DNM1L: variants seen among roughly 807,000 people sequenced by gnomAD.
The protein encoded by DNM1L is dynamin-1-like protein.
DNM1L carries 33 observed loss-of-function variants against 92.8 expected under a neutral mutation model. The ratio of observed to expected loss-of-function variants is 0.36; its 90% CI spans 0.27 to 0.48. The LOEUF (loss-of-function observed/expected upper bound fraction) is 0.48. Ranked by LOEUF, DNM1L falls within the 20% of genes least tolerant of loss-of-function variation. The pLI is 0.99. For missense variants in DNM1L, 485 were observed against 888.8 expected, an observed-to-expected ratio of 0.55 and a Z score of 5.78; for synonymous variants, 284 against 305.0, an observed-to-expected ratio of 0.93 and a Z score of 0.72.
Position 32,718,095 on chromosome 12 carries a change from T to TAC in DNM1L, c.620-547_620-546dup, listed in dbSNP as rs1226914024. Among the ~76,000 whole-genome samples the TAC allele has an allele frequency of 2.2e-5, 3 of 137,610 alleles. No individual in the cohort carries two copies. In the Admixed American group the frequency reaches 2.4e-4, roughly 11 times the overall value. 90.3% of individuals were successfully genotyped at this position (137,610 alleles called of 152,430 possible). A position where few individuals can be genotyped will look rare whatever the true frequency, so the allele number is the denominator to read the frequency against. ...ATATACTATACATATTTTATATATA[T>TAC]ACTATATATATTTTATATATAATAT... On this transcript the variant is annotated intron_variant, in intron 6 of 19. Transcript: ENST00000549701.
At chr12:32,679,775 C>T in intron 1 of DNM1L, 1 of 1,063,434 alleles carries the variant, frequency 9.4e-7, no homozygotes, top group Non-Finnish European at 1.1e-6. Flanking sequence ...AACTGGAGTC[C>T]GCTGGGACCG....
intron 12 of DNM1L, chr12:32,732,437 T>G: frequency 6.7e-6 from 3 of 447,086 alleles, no homozygotes; most frequent in Admixed American, 2.4e-5. Flanking sequence ...ATAAAAATGC[T>G]GAAATTGGCA....
rs772586756 is a variant in DNM1L at position 32,679,344 on chromosome 12, G to C, written c.-20G>C. 2 of 1,594,544 alleles carry C rather than the reference G, an allele frequency of 1.3e-6. No homozygotes were observed. The highest frequency in any genetic ancestry group is 4.5e-5 in the East Asian group (2 of 44,696). On this transcript the variant is annotated 5_prime_UTR_variant, in exon 1 of 20. Transcript: ENST00000549701. ...CATTGCCGTGGCCGGCGGGCACTGG[G>C]GCCCCGTGTTTTCAGAGTCATGGAG...
In DNM1L at chr12:32,731,807, A is replaced by AAAAAACC. The variant is rs1555126033; in HGVS notation, c.1357-42_1357-41insCCAAAAA. ...TGGCTTAGTGAGACTATGACTTAAA[A>AAAAAACC]AAAAAACAAAAAACAAACACGTTTT... On this transcript the variant is annotated intron_variant, in intron 11 of 19. Transcript: ENST00000549701. The surrounding 1 kb of genome is among the most constrained non-coding windows in gnomAD (Gnocchi z 5.1). 8 of 1,519,960 alleles carry AAAAAACC rather than the reference A, an allele frequency of 5.3e-6. No homozygotes were observed. The highest frequency in any genetic ancestry group is 7.3e-6 in the Non-Finnish European group (8 of 1,096,988). 94.2% of individuals were successfully genotyped at this position (1,519,960 alleles called of 1,614,324 possible). A position where few individuals can be genotyped will look rare whatever the true frequency, so the allele number is the denominator to read the frequency against.
chr12:32,696,671 A>G (rs373735062), intron 1 of DNM1L, among the ~76,000 whole-genome samples: 1 of 105,594 alleles, frequency 9.5e-6, no homozygotes, highest in Non-Finnish European at 2.0e-5. Flanking sequence ...TTGTTGTCCA[A>G]TGGCGTGCAA....
At chr12:32,696,362 C>A (rs1952448273) in intron 1 of DNM1L, among the ~76,000 whole-genome samples, 1 of 141,034 alleles carries the variant, frequency 7.1e-6, no homozygotes, top group Non-Finnish European at 1.5e-5. Context: ...TATAGTGAGA[C>A]CCTGTCTACA....
At chr12:32,714,309 A>AT (rs1953264270) in intron 6 of DNM1L, among the ~76,000 whole-genome samples, 2 of 130,940 alleles carry the variant, frequency 1.5e-5, no homozygotes, top group Non-Finnish European at 3.1e-5. Context: ...GTCTTGCTCT[A>AT]TCTCCCAGGC....
intron 4 of DNM1L, among the ~76,000 whole-genome samples, chr12:32,709,853 G>GAGT (rs1347574829): frequency 6.6e-6 from 1 of 152,118 alleles, no homozygotes; most frequent in Non-Finnish European, 1.5e-5. Flanking sequence ...TGGAACACTG[G>GAGT]AGTATTTATA....
At chr12:32,699,019 C>G (rs1037971611) in intron 1 of DNM1L, among the ~76,000 whole-genome samples, 1 of 149,906 alleles carries the variant, frequency 6.7e-6, no homozygotes, top group African/African-American at 2.5e-5. Flanking sequence ...GACCCCATCT[C>G]TTAAAAAAAA....
At chr12:32,709,224 T>G (rs375351234) in intron 4 of DNM1L, among the ~76,000 whole-genome samples, 1 of 152,176 alleles carries the variant, frequency 6.6e-6, no homozygotes, top group African/African-American at 2.4e-5. Flanking sequence ...CCATGTTGTA[T>G]AGAACGGGTT....
At chr12:32,718,002 T>C (rs1953603677) in intron 6 of DNM1L, among the ~76,000 whole-genome samples, 1 of 109,410 alleles carries the variant, frequency 9.1e-6, no homozygotes, top group South Asian at 2.5e-4. Flanking sequence ...ATAGTATATA[T>C]AATATATATA....
At chr12:32,696,852 C>T (rs1440852578) in intron 1 of DNM1L, among the ~76,000 whole-genome samples, 2 of 146,618 alleles carry the variant, frequency 1.4e-5, no homozygotes, top group African/African-American at 5.0e-5. Context: ...CTCAAACTCC[C>T]GACCTCAAGT....
At chr12:32,716,188 A>C (rs1953354718) in intron 6 of DNM1L, among the ~76,000 whole-genome samples, 1 of 151,454 alleles carries the variant, frequency 6.6e-6, no homozygotes, top group African/African-American at 2.4e-5. Flanking sequence ...ACTCTAGAAA[A>C]GGCAAAACTA....
chr12:32,698,917 A>G (rs1052087308), intron 1 of DNM1L, among the ~76,000 whole-genome samples: 7 of 152,068 alleles, frequency 4.6e-5, no homozygotes, highest in African/African-American at 1.7e-4. Context: ...CTCGGGAGGC[A>G]GAGGTGGCCT....
At chr12:32,728,090 C>T (rs1555124594) in intron 9 of DNM1L, 1 of 152,224 alleles carries the variant, frequency 6.6e-6, no homozygotes, top group Non-Finnish European at 1.5e-5. Context: ...GTCCCATGCA[C>T]CCTCCACTGT....
At chr12:32,718,118 TATA>T (rs1265620159) in intron 6 of DNM1L, among the ~76,000 whole-genome samples, 2 of 140,088 alleles carry the variant, frequency 1.4e-5, no homozygotes, top group Non-Finnish European at 3.0e-5. Flanking sequence ...TTATATATAA[TATA>T]GTATATATAT....
intron 18 of DNM1L, among the ~76,000 whole-genome samples, chr12:32,742,336 T>C (rs1955364215): frequency 6.6e-6 from 1 of 152,216 alleles, no homozygotes; most frequent in Non-Finnish European, 1.5e-5. Flanking sequence ...ACTCCTGGCC[T>C]CAAGCAGTCC....
chr12:32,737,920 C>CTTCTGCTGA lies in DNM1L; in HGVS notation c.1653_1661dup (p.Ala553_Glu554insAspSerAla). 6.2e-7 allele frequency: 1 copy of CTTCTGCTGA among 1,613,944 alleles called. No individual in the cohort carries two copies. Among genetic ancestry groups the CTTCTGCTGA allele is most frequent in the Non-Finnish European group, 8.5e-7 (1 of 1,179,992 alleles). ...GCCTCCCAGGAGCCCTCCCCCGCTG[C>CTTCTGCTGA]TTCTGCTGAGGCTGATGGCAAGGTC... On this transcript the variant is annotated inframe_insertion, in exon 15 of 20. Coordinates refer to ENST00000549701, the MANE Select transcript of DNM1L (RefSeq NM_012062.5).
At chr12:32,742,823 TTCTTGGATA>T in intron 19 of DNM1L, 75 bp downstream of exon 19, 1 of 1,557,720 alleles carries the variant, frequency 6.4e-7, no homozygotes, top group Non-Finnish European at 8.8e-7. Context: ...TGCAGTTTGA[TTCTTGGATA>T]TGTATAGTCT....
Sources: gnomAD v4.1 joint callset for allele counts (sites outside exome capture counted in the v4.1 genomes callset) on GRCh38, gnomAD v4.1.1 for gene constraint, Gnocchi (gnomAD v3.1) non-coding constraint, MANE v1.5 for transcripts, NCBI Gene and HGNC (gene_info 2026-07-23, HGNC 2026-07-21) for gene names.